The following NYAP2 variants were observed in gnomAD, a reference collection of about 807,000 sequenced individuals.
NYAP2 encodes neuronal tyrosine-phosphorylated phosphoinositide-3-kinase adaptor 2, also known as neuronal tyrosine-phosphorylated phosphoinositide-3-kinase adapter 2.
In NYAP2, 23 loss-of-function variants were observed where a neutral mutation model predicts 50.4. The observed-to-expected ratio is 0.46, with a 90% CI of 0.33 to 0.65. NYAP2 has a LOEUF of 0.65. NYAP2 is among the 30% of genes least tolerant of loss of function. NYAP2 has a pLI of 0.02. For synonymous variants in NYAP2, 394 were observed against 365.2 expected, an observed-to-expected ratio of 1.08 and a Z score of -0.90; for missense variants, 885 against 861.0, an observed-to-expected ratio of 1.03 and a Z score of -0.35.
chr2:225,495,985 A>T (rs1690498176), intron 3 of NYAP2, among the ~76,000 whole-genome samples: 2 of 152,220 alleles, frequency 1.3e-5, no homozygotes, highest in Admixed American at 1.3e-4. Context: ...TGCTCATCAC[A>T]TTACCACTTC....
chr2:225,427,138 G>T (rs759385114), intron 3 of NYAP2, among the ~76,000 whole-genome samples: 3 of 152,128 alleles, frequency 2.0e-5, no homozygotes, highest in African/African-American at 4.8e-5. Flanking sequence ...CAGAAAAGCT[G>T]CCTGTCATCC....
chr2:225,575,140 A>G (rs1692149831), intron 4 of NYAP2, among the ~76,000 whole-genome samples: 1 of 152,162 alleles, frequency 6.6e-6, no homozygotes, highest in South Asian at 2.1e-4. Context: ...CATTTCGTAT[A>G]TTCTGCATTA....
chr2:225,401,323 A>G (rs1694858236), intron 2 of NYAP2, among the ~76,000 whole-genome samples: 2 of 152,094 alleles, frequency 1.3e-5, no homozygotes, highest in Admixed American at 6.6e-5. Context: ...TTGAATTATT[A>G]AAGCTTTGAA....
At chr2:225,656,765 G>T (rs2106275621), downstream of NYAP2, among the ~76,000 whole-genome samples, 1 of 151,886 alleles carries the variant, frequency 6.6e-6, no homozygotes, top group East Asian at 1.9e-4. Flanking sequence ...GAATTTCTTT[G>T]CAGGGACTGT....
intron 3 of NYAP2, among the ~76,000 whole-genome samples, chr2:225,469,217 A>G (rs1350967503): frequency 6.6e-6 from 1 of 152,250 alleles, no homozygotes; most frequent in African/African-American, 2.4e-5. Flanking sequence ...ATGGATAGAC[A>G]CTTCTCAAAA....
intron 5 of NYAP2, among the ~76,000 whole-genome samples, chr2:225,604,030 T>C (rs748251924): frequency 9.9e-5 from 15 of 152,124 alleles, no homozygotes; most frequent in Non-Finnish European, 2.2e-4. Context: ...AGGAATAACA[T>C]CTAAGACAAG....
In NYAP2 at chr2:225,641,482, AT is replaced by A. The variant is rs68154554; in HGVS notation, c.1829-9938del. ...ACACACACACACAAACACACACACA[AT>A]TTTTTTTTTTTAAGGTTATAAAGTA... is the stretch of plus-strand genomic sequence containing the variant. On this transcript the variant is annotated intron_variant, in intron 6 of 6. Transcript: ENST00000636099. 3.6e-3 allele frequency among the ~76,000 whole-genome samples: 487 copies of A among 136,486 alleles called. 4 individuals carry two copies. Among genetic ancestry groups the A allele is most frequent in the East Asian group, 0.017 (82 of 4,724 alleles). The allele number at this position is 136,486 out of a possible 152,430, so 89.5% of individuals were successfully genotyped here.
At chr2:225,612,314 TA>T (rs1478644075) in intron 5 of NYAP2, among the ~76,000 whole-genome samples, 1 of 151,636 alleles carries the variant, frequency 6.6e-6, no homozygotes, top group African/African-American at 2.4e-5. Context: ...TAATCCTCCT[TA>T]AAATAACCCG....
the NYAP2 span, among the ~76,000 whole-genome samples, chr2:225,693,230 G>A: frequency 5.9e-5 from 9 of 152,066 alleles, no homozygotes; most frequent in African/African-American, 2.2e-4. Flanking sequence ...GGATGTGACA[G>A]TTTCTCAGAC....
At chr2:225,626,849 T>G (rs1693217973) in intron 5 of NYAP2, 68 bp from the exon 6 acceptor site, 3 of 1,226,384 alleles carry the variant, frequency 2.4e-6, no homozygotes, top group Admixed American at 2.2e-5. Context: ...ATCACACTAA[T>G]TTTTTGAAAG....
At chr2:225,433,829 A>AAAG (rs1689319366) in intron 3 of NYAP2, among the ~76,000 whole-genome samples, 1 of 149,208 alleles carries the variant, frequency 6.7e-6, no homozygotes, top group Non-Finnish European at 1.5e-5. Context: ...AAAAAAAAAA[A>AAAG]AAAAAAAAAA....
intron 6 of NYAP2, among the ~76,000 whole-genome samples, chr2:225,647,718 CA>C (rs140375888): frequency 0.019 from 2,833 of 152,090 alleles, 82 homozygotes; most frequent in African/African-American, 0.065. Flanking sequence ...TTCCTACCGG[CA>C]AAAATGCTGA....
chr2:225,588,540 C>T (rs1322982984), intron 5 of NYAP2, among the ~76,000 whole-genome samples: 2 of 152,154 alleles, frequency 1.3e-5, no homozygotes, highest in Non-Finnish European at 2.9e-5. Flanking sequence ...CTCCAACTAA[C>T]TCTTACTAAT....
At chr2:225,559,823 A>G (rs1691841820) in intron 4 of NYAP2, among the ~76,000 whole-genome samples, 1 of 152,092 alleles carries the variant, frequency 6.6e-6, no homozygotes, top group African/African-American at 2.4e-5. Context: ...GATATACAAT[A>G]TATCTGTTCA....
intron 4 of NYAP2, among the ~76,000 whole-genome samples, chr2:225,534,254 C>A (rs1274760466): frequency 6.6e-6 from 1 of 152,168 alleles, no homozygotes; most frequent in African/African-American, 2.4e-5. Flanking sequence ...GCATTTCCCT[C>A]ATTCCCCCAA....
the NYAP2 span, among the ~76,000 whole-genome samples, chr2:225,687,619 C>A: frequency 6.6e-6 from 1 of 152,058 alleles, no homozygotes; most frequent in East Asian, 1.9e-4. Flanking sequence ...TAAAATGATT[C>A]AGTGATTTAA....
At chr2:225,537,311 C>T (rs956521436) in intron 4 of NYAP2, among the ~76,000 whole-genome samples, 1 of 151,994 alleles carries the variant, frequency 6.6e-6, no homozygotes, top group Admixed American at 6.6e-5. Context: ...CGGTATCTCA[C>T]TTTTTTTTAT....
At chr2:225,469,290 A>G (rs1180017815) in intron 3 of NYAP2, among the ~76,000 whole-genome samples, 1 of 152,246 alleles carries the variant, frequency 6.6e-6, no homozygotes, top group Non-Finnish European at 1.5e-5. Context: ...TTATTAGAGA[A>G]ATGCAAATCA....
rs558610161 is a variant in NYAP2, at chr2:225,505,476, AG to A, written c.222-7894del. On this transcript the variant is annotated intron_variant, in intron 3 of 6. Coordinates refer to ENST00000636099, the Ensembl canonical transcript of NYAP2. The stretch of plus-strand genomic sequence containing the variant: ...TACTGAAGCCAAGTTTTCATATCCA[AG>A]TATACTGCCTGATTTAAAAACTATA... 3.7e-3 allele frequency among the ~76,000 whole-genome samples: 567 copies of A among 152,342 alleles called. 3 individuals are homozygous for A. Among genetic ancestry groups the A allele is most frequent in the Non-Finnish European group, 4.6e-3 (316 of 68,036 alleles).
Sources: gnomAD v4.1 joint callset for allele counts (sites outside exome capture counted in the v4.1 genomes callset) on GRCh38, gnomAD v4.1.1 for gene constraint, MANE v1.5 for transcripts, NCBI Gene and HGNC (gene_info 2026-07-23, HGNC 2026-07-21) for gene names.